The following MACROD1 variants were observed in gnomAD, a reference collection of about 807,000 sequenced individuals.
MACROD1 encodes ADP-ribose glycohydrolase MACROD1.
MACROD1 carries 31 observed loss-of-function variants against 41.4 expected under a neutral mutation model. The observed-to-expected ratio is 0.75, with a 90% CI of 0.56 to 1.01. MACROD1 has a LOEUF of 1.01. Ranked by LOEUF, MACROD1 falls within the 50% of genes least tolerant of loss-of-function variation. The pLI, the probability that MACROD1 is intolerant of heterozygous loss-of-function variation, is 0.00. For synonymous variants in MACROD1, 252 were observed against 203.4 expected (o/e 1.24, Z -2.03); for missense variants, 473 against 460.0 (o/e 1.03, Z -0.26).
intron 3 of MACROD1, among the ~76,000 whole-genome samples, chr11:64,063,158 C>A (rs574920032): frequency 1.3e-5 from 2 of 152,264 alleles, no homozygotes; most frequent in East Asian, 3.9e-4. Flanking sequence ...GGCACAGATG[C>A]AGGAGCTGGG....
At chr11:64,104,223 G>C (rs931550657) in intron 3 of MACROD1, 8 of 152,382 alleles carry the variant, frequency 5.2e-5, no homozygotes, top group Non-Finnish European at 1.5e-5. Context: ...GAATTCAGAA[G>C]GGCTCCAGGG....
chr11:64,001,220 C>A, intron 4 of MACROD1: 1 of 591,624 alleles, frequency 1.7e-6, no homozygotes, highest in South Asian at 2.0e-5. Context: ...GGGTCCAGCC[C>A]GGGCTCACCC....
At chr11:64,116,201 G>A in intron 3 of MACROD1, 25 of 1,541,116 alleles carry the variant, frequency 1.6e-5, no homozygotes, top group Non-Finnish European at 2.2e-5. Context: ...CACTGCCCCT[G>A]TCCTGTGCTC....
rs1944472661 is a variant in MACROD1 at position 64,090,626 on chromosome 11, C to A, written c.517+60613G>T. 6.6e-6 allele frequency among the ~76,000 whole-genome samples: 1 copy of A among 152,204 alleles called. No homozygotes were observed. The highest frequency in any genetic ancestry group is 6.5e-5 in the Admixed American group (1 of 15,286). On this transcript the variant is annotated intron_variant, in intron 3 of 10. Coordinates refer to ENST00000255681, the MANE Select transcript of MACROD1 (RefSeq NM_014067.4). This position sits in a 1 kb window ranked among gnomAD's most constrained non-coding sequence, Gnocchi z 4.7. ...GCCATCGCCGCAGGAGGGGTCCCAG[C>A]TGGAGCACTGCGCAGCCCCAGGCCT... is the stretch of plus-strand genomic sequence containing the variant.
chr11:64,114,600 T>G (rs1944940410), intron 3 of MACROD1, among the ~76,000 whole-genome samples: 1 of 145,790 alleles, frequency 6.9e-6, no homozygotes, highest in Admixed American at 6.8e-5. Flanking sequence ...GGAAGGATGG[T>G]GGACAGATGG....
intron 3 of MACROD1, among the ~76,000 whole-genome samples, chr11:64,066,378 C>T (rs886987650): frequency 6.6e-6 from 1 of 151,184 alleles, no homozygotes; most frequent in Non-Finnish European, 1.5e-5. Context: ...TTTAGGAGGC[C>T]GAGGTGGTAG....
chr11:64,129,946 C>T (rs1001515843), intron 3 of MACROD1, among the ~76,000 whole-genome samples: 6 of 152,124 alleles, frequency 3.9e-5, no homozygotes, highest in Admixed American at 1.3e-4. Context: ...GTTGGGGGGC[C>T]GTGAGCCTCC....
chr11:64,127,510 C>T (rs1428527143), intron 3 of MACROD1, among the ~76,000 whole-genome samples: 1 of 152,150 alleles, frequency 6.6e-6, no homozygotes, highest in Non-Finnish European at 1.5e-5. Flanking sequence ...GGCTCGGAGG[C>T]GGTGACCCGG....
At chr11:64,060,032 G>A (rs1206429038) in intron 3 of MACROD1, among the ~76,000 whole-genome samples, 1 of 152,358 alleles carries the variant, frequency 6.6e-6, no homozygotes, top group South Asian at 2.1e-4. Context: ...CCACACGGCA[G>A]GGGGGAATGG....
intron 3 of MACROD1, among the ~76,000 whole-genome samples, chr11:64,150,992 C>G (rs1390451153): frequency 6.6e-6 from 1 of 152,222 alleles, no homozygotes; most frequent in Admixed American, 6.5e-5. Flanking sequence ...CAGCCCAGCT[C>G]TCCCCCTTCC....
intron 3 of MACROD1, among the ~76,000 whole-genome samples, chr11:64,061,931 A>T (rs374436105): frequency 9.0e-5 from 11 of 121,960 alleles, no homozygotes; most frequent in African/African-American, 3.2e-4. Flanking sequence ...CCCAGGCTGG[A>T]CTCAAATTCC....
intron 3 of MACROD1, among the ~76,000 whole-genome samples, chr11:64,081,184 G>C (rs555163470): frequency 6.6e-6 from 1 of 152,284 alleles, no homozygotes; most frequent in African/African-American, 2.4e-5. Flanking sequence ...ACCATGCCTA[G>C]CTAATTTTTG....
chr11:64,002,078 AC>A (rs1251588916), intron 4 of MACROD1, among the ~76,000 whole-genome samples: 1 of 152,238 alleles, frequency 6.6e-6, no homozygotes, highest in African/African-American at 2.4e-5. Flanking sequence ...GTTATTAACA[AC>A]AGTGTGACAG....
At chr11:64,030,645 T>C (rs943634983) in intron 3 of MACROD1, among the ~76,000 whole-genome samples, 2 of 152,170 alleles carry the variant, frequency 1.3e-5, no homozygotes, top group African/African-American at 4.8e-5. Context: ...TGTGGACATG[T>C]TGGCCGGTAG....
chr11:64,142,532 T>G (rs1278364998), intron 3 of MACROD1, among the ~76,000 whole-genome samples: 3 of 152,126 alleles, frequency 2.0e-5, no homozygotes, highest in Non-Finnish European at 4.4e-5. Flanking sequence ...CCTTTCTGAG[T>G]GCCGCCCCCC....
intron 3 of MACROD1, among the ~76,000 whole-genome samples, chr11:64,071,847 A>C (rs1944113243): frequency 6.6e-6 from 1 of 152,136 alleles, no homozygotes; most frequent in Non-Finnish European, 1.5e-5. Context: ...CACCCAGGCC[A>C]GGCTGTGGGC....
At chr11:64,028,947 C>G (rs1711536851) in intron 3 of MACROD1, among the ~76,000 whole-genome samples, 1 of 152,168 alleles carries the variant, frequency 6.6e-6, no homozygotes, top group Non-Finnish European at 1.5e-5. Flanking sequence ...GGTGAGGGGT[C>G]CCAGAAGATG....
chr11:64,148,912 T>G (rs974338091), intron 3 of MACROD1: 31 of 985,314 alleles, frequency 3.1e-5, no homozygotes, highest in Non-Finnish European at 3.6e-5. Flanking sequence ...ACGCTGGGGT[T>G]CCACAAAGCC....
intron 4 of MACROD1, among the ~76,000 whole-genome samples, chr11:64,006,747 G>A (rs1413531485): frequency 6.6e-6 from 1 of 152,132 alleles, no homozygotes; most frequent in Non-Finnish European, 1.5e-5. Context: ...TCTTACACAG[G>A]GGCCAGCTGC....
Sources: gnomAD v4.1 joint callset for allele counts (sites outside exome capture counted in the v4.1 genomes callset) on GRCh38, gnomAD v4.1.1 for gene constraint, Gnocchi (gnomAD v3.1) non-coding constraint, MANE v1.5 for transcripts, NCBI Gene and HGNC (gene_info 2026-07-23, HGNC 2026-07-21) for gene names.